The following ASAP1 variants were observed in gnomAD, a reference collection of about 807,000 sequenced individuals.
The protein encoded by ASAP1 is ArfGAP with SH3 domain, ankyrin repeat and PH domain 1, also known as arf-GAP with SH3 domain, ANK repeat and PH domain-containing protein 1.
In ASAP1, 43 loss-of-function variants were observed where a neutral mutation model predicts 145.2. That is an observed-to-expected ratio of 0.30 (90% CI 0.23 to 0.38). ASAP1 has a LOEUF of 0.38. Among genes scored for constraint, ASAP1 ranks in the 10% least tolerant of loss-of-function variants. The pLI, the probability that ASAP1 is intolerant of heterozygous loss-of-function variation, is 1.00. For synonymous variants in ASAP1, 546 were observed against 515.5 expected, an observed-to-expected ratio of 1.06 and a Z score of -0.80; for missense variants, 1,018 against 1,355.3, an observed-to-expected ratio of 0.75 and a Z score of 3.91.
At chr8:130,396,680 C>T (rs1022023227) in intron 2 of ASAP1, among the ~76,000 whole-genome samples, 8 of 152,200 alleles carry the variant, frequency 5.3e-5, no homozygotes, top group Non-Finnish European at 8.8e-5. Context: ...TCCAGGGACA[C>T]GTTTCCCGTC....
At chr8:130,369,136 G>A (rs990656245) in intron 2 of ASAP1, among the ~76,000 whole-genome samples, 8 of 152,174 alleles carry the variant, frequency 5.3e-5, no homozygotes, top group African/African-American at 1.9e-4. Context: ...GTTTCAAATC[G>A]TATACAGGTT....
chr8:130,272,980 T>G lies in ASAP1; in HGVS notation c.187-35986A>C, dbSNP rs1209671418. On this transcript the variant is annotated intron_variant, in intron 3 of 29. Transcript: ENST00000518721. ...TGACAATATATCGTGTATTTCAAAA[T>G]AGCTTGAAGAGAGGACTAGAAATCT... 2.6e-5 allele frequency among the ~76,000 whole-genome samples: 4 copies of G among 152,298 alleles called. No homozygotes were observed. In the South Asian group the frequency reaches 8.3e-4, roughly 32 times the overall value.
intron 3 of ASAP1, among the ~76,000 whole-genome samples, chr8:130,348,246 C>T (rs1475318815): frequency 1.3e-5 from 2 of 152,164 alleles, no homozygotes; most frequent in Admixed American, 6.5e-5. Context: ...CCACCCAAAA[C>T]GCATCTGGCA....
chr8:130,157,791 T>TA (rs558009391), intron 12 of ASAP1, among the ~76,000 whole-genome samples: 290 of 152,300 alleles, frequency 1.9e-3, no homozygotes, highest in Middle Eastern at 3.4e-3. Flanking sequence ...ATCAACTTGA[T>TA]AAAGTCTTCC....
intron 2 of ASAP1, among the ~76,000 whole-genome samples, chr8:130,400,973 G>A (rs898735614): frequency 2.0e-5 from 3 of 150,876 alleles, no homozygotes; most frequent in Non-Finnish European, 3.0e-5. Flanking sequence ...CTCTGCTTCC[G>A]GGGTTCAAGT....
At chr8:130,141,390 G>C (rs13272223) in intron 13 of ASAP1, among the ~76,000 whole-genome samples, 4,883 of 152,102 alleles carry the variant, frequency 0.032, 90 homozygotes, top group Middle Eastern at 0.071. Flanking sequence ...CCCTCGGAGA[G>C]CTCCCTGCTC....
chr8:130,418,680 T>C (rs1490040129), intron 1 of ASAP1, among the ~76,000 whole-genome samples: 1 of 152,012 alleles, frequency 6.6e-6, no homozygotes, highest in Admixed American at 6.6e-5. Context: ...CGTTCCACCC[T>C]CTACACACCC....
intron 18 of ASAP1, among the ~76,000 whole-genome samples, chr8:130,119,262 T>C (rs2097561598): frequency 6.6e-6 from 1 of 152,132 alleles, no homozygotes; most frequent in Non-Finnish European, 1.5e-5. Flanking sequence ...CTCTATTTTA[T>C]AGGTGAGGAA....
At chr8:130,225,100 C>T (rs2136538038) in intron 4 of ASAP1, among the ~76,000 whole-genome samples, 1 of 152,246 alleles carries the variant, frequency 6.6e-6, no homozygotes, top group South Asian at 2.1e-4. Context: ...TCCTTTTCTG[C>T]CTGTTTACAT....
intron 5 of ASAP1, among the ~76,000 whole-genome samples, chr8:130,201,283 C>G (rs1306972010): frequency 6.6e-6 from 1 of 152,168 alleles, no homozygotes; most frequent in Non-Finnish European, 1.5e-5. Flanking sequence ...AACAGAGGTA[C>G]TGCTCTGGAA....
intron 1 of ASAP1, among the ~76,000 whole-genome samples, chr8:130,419,455 GA>G (rs554094554): frequency 4.6e-5 from 7 of 152,148 alleles, no homozygotes; most frequent in Non-Finnish European, 1.5e-5. Context: ...GATGTTATAA[GA>G]AAGATGTGAA....
chr8:130,371,614 TC>T (rs533411976), intron 2 of ASAP1, among the ~76,000 whole-genome samples: 80 of 152,330 alleles, frequency 5.3e-4, no homozygotes, highest in African/African-American at 1.7e-3. Context: ...GGAAGAGGAC[TC>T]CTGTTATCCT....
chr8:130,192,279 G>A (rs1815191006), intron 5 of ASAP1, among the ~76,000 whole-genome samples: 1 of 149,244 alleles, frequency 6.7e-6, no homozygotes, highest in Non-Finnish European at 1.5e-5. Context: ...AAGGGCCACA[G>A]TATATAACTG....
chr8:130,254,743 G>C (rs1819408131), intron 3 of ASAP1, among the ~76,000 whole-genome samples: 1 of 152,072 alleles, frequency 6.6e-6, no homozygotes, highest in Non-Finnish European at 1.5e-5. Context: ...GTAAAGAGAA[G>C]TTACCAAACA....
rs566499468 is a variant in ASAP1 at position 130,161,603 on chromosome 8, A to T, written c.910-1639T>A. Among the ~76,000 whole-genome samples the T allele has an allele frequency of 3.3e-5, 5 of 152,280 alleles. No homozygotes were observed. The South Asian group carries it at 1.0e-3, about 32-fold the overall frequency. On this transcript the variant is annotated intron_variant, in intron 11 of 29. Transcript: ENST00000518721. ...GAGCTTACTGTACACTTAACCAGGCAAGCTGACTCACATTAAAGAGGTTAC... is the reference window on the plus strand; with the variant it reads ...GAGCTTACTGTACACTTAACCAGGCTAGCTGACTCACATTAAAGAGGTTAC...
intron 13 of ASAP1, among the ~76,000 whole-genome samples, chr8:130,146,897 A>G (rs2097632277): frequency 6.6e-6 from 1 of 152,158 alleles, no homozygotes; most frequent in Admixed American, 6.5e-5. Flanking sequence ...GGGCTCTGTA[A>G]AGTACACTGA....
At chr8:130,122,647 CAT>C (rs1339327529) in intron 18 of ASAP1, among the ~76,000 whole-genome samples, 1 of 152,180 alleles carries the variant, frequency 6.6e-6, no homozygotes, top group Non-Finnish European at 1.5e-5. Flanking sequence ...TCCAAGGTCA[CAT>C]AGTTTAGGAA....
At chr8:130,272,929 T>C (rs1428383464) in intron 3 of ASAP1, among the ~76,000 whole-genome samples, 1 of 152,176 alleles carries the variant, frequency 6.6e-6, no homozygotes, top group Non-Finnish European at 1.5e-5. Context: ...TACTGTTCAG[T>C]GGCAGAGTAG....
intron 3 of ASAP1, among the ~76,000 whole-genome samples, chr8:130,237,689 T>C (rs1818296053): frequency 6.6e-6 from 1 of 152,122 alleles, no homozygotes; most frequent in Non-Finnish European, 1.5e-5. Flanking sequence ...TTGTTGATTC[T>C]TAATCCAGGT....
Sources: allele counts gnomAD v4.1 joint callset (sites outside exome capture counted in the v4.1 genomes callset), GRCh38; gene constraint gnomAD v4.1.1; transcripts MANE v1.5; gene names NCBI Gene and HGNC (gene_info 2026-07-23, HGNC 2026-07-21).